Variants in PRELID2 observed in about 807,000 individuals in gnomAD.
The protein encoded by PRELID2 is PRELI domain containing 2, also known as PRELI domain-containing protein 2.
A neutral mutation model predicts 28.4 loss-of-function variants in PRELID2; 25 were observed. The ratio of observed to expected loss-of-function variants is 0.88; its 90% CI spans 0.64 to 1.23. The LOEUF (loss-of-function observed/expected upper bound fraction) is 1.23, where lower values mean the gene tolerates loss of function less well. PRELID2 is among the 50% of genes most tolerant of loss of function. The pLI, the probability that PRELID2 is intolerant of heterozygous loss-of-function variation, is 0.00. For synonymous variants in PRELID2, 76 were observed against 71.6 expected (o/e 1.06, Z -0.31); for missense variants, 201 against 214.4 (o/e 0.94, Z 0.39).
At chr5:145,470,431 C>T (rs1752043363), downstream of PRELID2, among the ~76,000 whole-genome samples, 1 of 152,044 alleles carries the variant, frequency 6.6e-6, no homozygotes, top group Non-Finnish European at 1.5e-5. Flanking sequence ...TAACATTTAC[C>T]GAATACTTAC....
chr5:145,258,929 C>T, the PRELID2 span, among the ~76,000 whole-genome samples: 1 of 152,120 alleles, frequency 6.6e-6, no homozygotes, highest in Non-Finnish European at 1.5e-5. Context: ...TTGTACCAGG[C>T]CCAGGGCCCT....
At chr5:145,588,648 C>A (rs1020947228) in intron 1 of PRELID2, among the ~76,000 whole-genome samples, 1 of 152,072 alleles carries the variant, frequency 6.6e-6, no homozygotes, top group Admixed American at 6.6e-5. Flanking sequence ...ACTGACTTGG[C>A]AGGTCAGTCC....
intron 1 of PRELID2, among the ~76,000 whole-genome samples, chr5:145,697,078 T>TATATAC (rs1554084259): frequency 1.3e-4 from 13 of 98,908 alleles, no homozygotes; most frequent in Non-Finnish European, 2.1e-4. Flanking sequence ...TATATATATA[T>TATATAC]ATACACACAC....
At chr5:145,289,793 C>T in the PRELID2 span, among the ~76,000 whole-genome samples, 1 of 152,102 alleles carries the variant, frequency 6.6e-6, no homozygotes, top group Non-Finnish European at 1.5e-5. Flanking sequence ...TAATTTTAGC[C>T]ATTCTACTAC....
chr5:145,380,619 T>C, the PRELID2 span, among the ~76,000 whole-genome samples: 1 of 152,236 alleles, frequency 6.6e-6, no homozygotes, highest in African/African-American at 2.4e-5. Context: ...TTTTTCTTTT[T>C]GTTACAGAAT....
rs1279838859 is a variant in PRELID2, at chr5:145,492,894, C to G, written n.71-19579G>C. On this transcript the variant is annotated intron_variant and non_coding_transcript_variant, in intron 1 of 2. Transcript: ENST00000510259. ...AGTCTAGAGGCTCAATCCATGGATACTGGTCTGTAGTTTGGACTGTGGGGA... is the reference window on the plus strand; with the variant it reads ...AGTCTAGAGGCTCAATCCATGGATAGTGGTCTGTAGTTTGGACTGTGGGGA... Among the ~76,000 whole-genome samples, 2 of 140,504 alleles carry G rather than the reference C, an allele frequency of 1.4e-5. 1 individual carries two copies. The highest frequency in any genetic ancestry group is 3.2e-5 in the Non-Finnish European group (2 of 62,506). 92.2% of individuals were successfully genotyped at this position (140,504 alleles called of 152,430 possible). A position where few individuals can be genotyped will look rare whatever the true frequency, so the allele number is the denominator to read the frequency against.
At chr5:145,828,522 G>A (rs1755357622) in intron 1 of PRELID2, among the ~76,000 whole-genome samples, 1 of 152,134 alleles carries the variant, frequency 6.6e-6, no homozygotes, top group African/African-American at 2.4e-5. Context: ...TACCAGTTCG[G>A]AATTTGTGTA....
At chr5:145,792,150 TTAAG>T (rs1752438306) in intron 5 of PRELID2, among the ~76,000 whole-genome samples, 1 of 152,134 alleles carries the variant, frequency 6.6e-6, no homozygotes, top group African/African-American at 2.4e-5. Flanking sequence ...CGCAAGTGGC[TTAAG>T]TGCACAGATC....
chr5:145,296,897 G>A, the PRELID2 span, among the ~76,000 whole-genome samples: 12 of 152,204 alleles, frequency 7.9e-5, no homozygotes, highest in South Asian at 2.1e-4. Flanking sequence ...ACTGGTGTGA[G>A]GTGGTATCTC....
chr5:145,762,058 C>T (rs1757501307), intron 6 of PRELID2, among the ~76,000 whole-genome samples: 1 of 152,192 alleles, frequency 6.6e-6, no homozygotes, highest in Admixed American at 6.5e-5. Context: ...AGAGTACATA[C>T]ATACATATAC....
intron 6 of PRELID2, among the ~76,000 whole-genome samples, chr5:145,764,207 C>T (rs748252678): frequency 2.4e-4 from 36 of 152,184 alleles, no homozygotes; most frequent in Non-Finnish European, 3.7e-4. Context: ...CTGCCCTTTC[C>T]ACTACAAAGA....
the PRELID2 span, among the ~76,000 whole-genome samples, chr5:145,373,006 AAT>A: frequency 9.3e-4 from 111 of 119,260 alleles, 2 homozygotes; most frequent in African/African-American, 3.4e-3. Flanking sequence ...CAACATATAT[AAT>A]ATATATATTA....
the PRELID2 span, among the ~76,000 whole-genome samples, chr5:145,463,712 A>C: frequency 3.9e-5 from 6 of 152,186 alleles, no homozygotes; most frequent in African/African-American, 1.4e-4. Flanking sequence ...AGGGGCCTGA[A>C]GGTATTGCCA....
the PRELID2 span, among the ~76,000 whole-genome samples, chr5:145,232,283 C>T: frequency 2.0e-5 from 3 of 152,122 alleles, no homozygotes; most frequent in Non-Finnish European, 2.9e-5. Context: ...ATTCATTTCT[C>T]ACAACACTGA....
chr5:145,694,733 A>C (rs367825574), intron 1 of PRELID2, among the ~76,000 whole-genome samples: 68 of 152,232 alleles, frequency 4.5e-4, no homozygotes, highest in African/African-American at 1.6e-3. Context: ...TACTGTGTGA[A>C]TAGAATGCAC....
intron 1 of PRELID2, among the ~76,000 whole-genome samples, chr5:145,496,697 G>A (rs1752312645): frequency 6.6e-6 from 1 of 152,052 alleles, no homozygotes; most frequent in African/African-American, 2.4e-5. Flanking sequence ...ACTGTGCTAT[G>A]GTCTGAGGTT....
chr5:145,680,419 CA>C (rs1754909674), intron 1 of PRELID2, among the ~76,000 whole-genome samples: 1 of 152,224 alleles, frequency 6.6e-6, no homozygotes, highest in Non-Finnish European at 1.5e-5. Context: ...GCCACAACCA[CA>C]GCTGATTGGA....
At position 145,645,086 on chromosome 5, in the gene PRELID2, C is replaced by T. The variant is rs866340662; in HGVS notation, n.70+119845G>A. On this transcript the variant is annotated intron_variant and non_coding_transcript_variant, in intron 1 of 2. Transcript: ENST00000510259. The stretch of plus-strand genomic sequence containing the variant: ...GAATATCCTTGTTAATTTTCTGTCT[C>T]GTTGATCTGTCTAATATTGACAGTG... 4.6e-5 allele frequency among the ~76,000 whole-genome samples: 7 copies of T among 152,140 alleles called. No homozygotes were observed. In the East Asian group the frequency reaches 5.8e-4, roughly 13 times the overall value.
At chr5:145,793,330 A>G (rs1372411442) in intron 5 of PRELID2, among the ~76,000 whole-genome samples, 1 of 152,190 alleles carries the variant, frequency 6.6e-6, no homozygotes, top group Non-Finnish European at 1.5e-5. Context: ...AAAAAAATAG[A>G]TATCAGATCC....
Sources: allele counts gnomAD v4.1 joint callset (sites outside exome capture counted in the v4.1 genomes callset), GRCh38; gene constraint gnomAD v4.1.1; transcripts MANE v1.5; gene names NCBI Gene and HGNC (gene_info 2026-07-23, HGNC 2026-07-21).